Variants in NADK2 observed in about 807,000 individuals in gnomAD.
NADK2 encodes NAD kinase domain-containing protein 1, mitochondrial.
NADK2 carries 35 observed loss-of-function variants against 62.1 expected under a neutral mutation model. The ratio of observed to expected loss-of-function variants is 0.56; its 90% CI spans 0.43 to 0.75. The LOEUF is 0.75. Among genes scored for constraint, NADK2 ranks in the 30% least tolerant of loss-of-function variants. The probability of loss-of-function intolerance (pLI) is 0.00; values close to 1 mark genes in which losing one functional copy is unlikely to be tolerated. For missense variants in NADK2, 439 were observed against 561.3 expected (o/e 0.78, Z 2.20); for synonymous variants, 205 against 207.9 (o/e 0.99, Z 0.12).
chr5:36,203,494 A>G (rs1218192700), intron 8 of NADK2, among the ~76,000 whole-genome samples: 1 of 152,066 alleles, frequency 6.6e-6, no homozygotes, highest in Non-Finnish European at 1.5e-5. Context: ...GGCTTGGTAG[A>G]GAAGAGACTG....
At chr5:36,209,705 A>G (rs989979884) in intron 7 of NADK2, among the ~76,000 whole-genome samples, 1 of 152,106 alleles carries the variant, frequency 6.6e-6, no homozygotes, top group Non-Finnish European at 1.5e-5. Context: ...ATATAGCATA[A>G]GTCTTGCTGT....
At chr5:36,207,128 G>T in intron 8 of NADK2, 42 bp downstream of exon 8, 1 of 1,506,072 alleles carries the variant, frequency 6.6e-7, no homozygotes, top group Non-Finnish European at 9.2e-7. Context: ...ATTACTAAAA[G>T]TATTTCACAA....
In NADK2 at chr5:36,241,391, T is replaced by G. The variant is rs1748113587; in HGVS notation, c.300+108A>C. On this transcript the variant is annotated intron_variant, in intron 1 of 11. Transcript: ENST00000381937. This position sits in a 1 kb window ranked among gnomAD's most constrained non-coding sequence, Gnocchi z 4.9. ...CCGCGAGAGAGGCAGGACCGGCATC[T>G]GCGGTGCCCTGGGAAGAGTCGTCCC... The G allele has an allele frequency of 7.4e-7, 1 of 1,359,138 alleles. No homozygotes were observed. Among genetic ancestry groups the G allele is most frequent in the Admixed American group, 3.5e-5 (1 of 28,678 alleles). The allele number at this position is 1,359,138 out of a possible 1,614,324, so 84.2% of individuals were successfully genotyped here.
At chr5:36,204,712 G>A (rs1028754592) in intron 8 of NADK2, among the ~76,000 whole-genome samples, 4 of 151,922 alleles carry the variant, frequency 2.6e-5, no homozygotes, top group Non-Finnish European at 4.4e-5. Context: ...CTTTTTAAAT[G>A]ATACTTCTTA....
Position 36,217,898 on chromosome 5 carries a change from A to G in NADK2, c.645-14T>C. ...CTCCACAACCACCTTAGAAAAATGAAGAAAAGGCAAATTATGTTAAAATAG... is the reference window on the plus strand; with the variant it reads ...CTCCACAACCACCTTAGAAAAATGAGGAAAAGGCAAATTATGTTAAAATAG... On this transcript the variant is annotated splice_polypyrimidine_tract_variant and intron_variant, in intron 5 of 11. Coordinates refer to ENST00000381937, the MANE Select transcript of NADK2 (RefSeq NM_001085411.3). 2 of 1,610,188 alleles carry G rather than the reference A, an allele frequency of 1.2e-6. No homozygotes were observed. The highest frequency in any genetic ancestry group is 1.7e-6 in the Non-Finnish European group (2 of 1,177,334).
intron 6 of NADK2, 138 bp downstream of exon 6, chr5:36,217,610 C>G: frequency 1.1e-6 from 1 of 869,614 alleles, no homozygotes; most frequent in Non-Finnish European, 1.8e-6. Context: ...AACTTTACAA[C>G]TGAAGTAATT....
At chr5:36,240,879 G>A (rs574240636) in intron 1 of NADK2, among the ~76,000 whole-genome samples, 1 of 152,238 alleles carries the variant, frequency 6.6e-6, no homozygotes, top group South Asian at 2.1e-4. Context: ...TAGCACCAAA[G>A]ACCTGTGCTT....
At position 36,194,652 on chromosome 5, in the gene NADK2, T is replaced by C. The variant is rs141857635; in HGVS notation, c.*492A>G. On this transcript the variant is annotated 3_prime_UTR_variant, in exon 12 of 12. Transcript: ENST00000381937. ...ACATATACAAACATATTTACCTATGTCAATTAGGTCAATGTCAGGATTTAT... is the reference window on the plus strand; with the variant it reads ...ACATATACAAACATATTTACCTATGCCAATTAGGTCAATGTCAGGATTTAT... 6.6e-6 allele frequency: 1 copy of C among 152,364 alleles called. No homozygotes were observed. The highest frequency in any genetic ancestry group is 1.9e-4 in the East Asian group (1 of 5,164). The allele number at this position is 152,364 out of a possible 1,614,324, so 9.4% of individuals were successfully genotyped here. A position where few individuals can be genotyped will look rare whatever the true frequency, so the allele number is the denominator to read the frequency against.
chr5:36,213,096 G>A (rs147375744), intron 6 of NADK2: 1 of 152,336 alleles, frequency 6.6e-6, no homozygotes, highest in East Asian at 1.9e-4. Flanking sequence ...CAAAAGCCAT[G>A]TGATGAGCTA....
intron 1 of NADK2, among the ~76,000 whole-genome samples, chr5:36,234,102 C>T (rs1443882480): frequency 6.6e-6 from 1 of 152,022 alleles, no homozygotes; most frequent in Non-Finnish European, 1.5e-5. Flanking sequence ...GGGCCAGGCG[C>T]GGTGGCTCAC....
chr5:36,225,440 G>A (rs1747444725), intron 4 of NADK2, 102 bp downstream of exon 4: 1 of 848,258 alleles, frequency 1.2e-6, no homozygotes, highest in Non-Finnish European at 1.9e-6. Flanking sequence ...ACCATAAAAA[G>A]ATACTATGCA....
chr5:36,219,318 C>T (rs1399523503), intron 5 of NADK2, among the ~76,000 whole-genome samples: 3 of 152,156 alleles, frequency 2.0e-5, no homozygotes, highest in Admixed American at 2.0e-4. Flanking sequence ...TCAAGTGATC[C>T]TCTCAACTCA....
intron 6 of NADK2, among the ~76,000 whole-genome samples, chr5:36,213,618 C>CATATATATAGATATATAT (rs1554008785): frequency 1.9e-5 from 2 of 107,536 alleles, no homozygotes; most frequent in Admixed American, 1.9e-4. Flanking sequence ...TATATGCATG[C>CATATATATAGATATATAT]ATATATATAT....
Position 36,241,250 on chromosome 5 carries a change from T to A in NADK2, c.300+249A>T. 1 of 611,752 alleles carries A rather than the reference T, an allele frequency of 1.6e-6. No homozygotes were observed. The highest frequency in any genetic ancestry group is 2.3e-6 in the Non-Finnish European group (1 of 431,608). The allele number at this position is 611,752 out of a possible 1,614,324, so 37.9% of individuals were successfully genotyped here. ...CCCTCCCCGCGGCGCCCCTGCCTCCTAAGTCCCTGCATGAACCACTGTCCC... is the reference window on the plus strand; with the variant it reads ...CCCTCCCCGCGGCGCCCCTGCCTCCAAAGTCCCTGCATGAACCACTGTCCC... On this transcript the variant is annotated intron_variant, in intron 1 of 11. Coordinates refer to ENST00000381937, the MANE Select transcript of NADK2 (RefSeq NM_001085411.3). The surrounding 1 kb of genome is among the most constrained non-coding windows in gnomAD (Gnocchi z 4.9).
At chr5:36,207,834 A>C (rs1190765753) in intron 7 of NADK2, among the ~76,000 whole-genome samples, 1 of 152,172 alleles carries the variant, frequency 6.6e-6, no homozygotes, top group Non-Finnish European at 1.5e-5. Flanking sequence ...ACAAAACTAG[A>C]AATAAACCAG....
intron 1 of NADK2, among the ~76,000 whole-genome samples, chr5:36,235,908 A>AT (rs1561077733): frequency 6.4e-3 from 12 of 1,876 alleles, no homozygotes; most frequent in Admixed American, 0.02. Flanking sequence ...TATATATATA[A>AT]AAAATAAATT....
intron 11 of NADK2, among the ~76,000 whole-genome samples, chr5:36,196,925 A>G (rs1228514237): frequency 1.3e-5 from 2 of 152,036 alleles, no homozygotes; most frequent in Non-Finnish European, 2.9e-5. Context: ...TAAGGTCAGC[A>G]ATTTGTTAAT....
chr5:36,234,528 G>A (rs1747832891), intron 1 of NADK2, among the ~76,000 whole-genome samples: 1 of 152,130 alleles, frequency 6.6e-6, no homozygotes, highest in South Asian at 2.1e-4. Flanking sequence ...CACACATGAT[G>A]TTACACTTGT....
intron 11 of NADK2, among the ~76,000 whole-genome samples, chr5:36,196,244 T>G (rs1746229096): frequency 6.6e-6 from 1 of 152,220 alleles, no homozygotes; most frequent in African/African-American, 2.4e-5. Flanking sequence ...TTCCAAGCTA[T>G]ATATTCCTAA....
Sources: gnomAD v4.1 joint callset for allele counts (sites outside exome capture counted in the v4.1 genomes callset) on GRCh38, gnomAD v4.1.1 for gene constraint, Gnocchi (gnomAD v3.1) non-coding constraint, MANE v1.5 for transcripts, NCBI Gene and HGNC (gene_info 2026-07-23, HGNC 2026-07-21) for gene names.